The following GRIK2 variants were observed in gnomAD, a reference collection of about 807,000 sequenced individuals.
GRIK2 encodes glutamate ionotropic receptor kainate type subunit 2, also known as glutamate receptor ionotropic, kainate 2.
A neutral mutation model predicts 100.3 loss-of-function variants in GRIK2; 32 were observed. The ratio of observed to expected loss-of-function variants is 0.32; its 90% CI spans 0.24 to 0.43. The LOEUF is 0.43. GRIK2 is among the 20% of genes least tolerant of loss of function. The pLI is 1.00. For synonymous variants in GRIK2, 417 were observed against 389.4 expected (o/e 1.07, Z -0.83); for missense variants, 843 against 1,114.9 (o/e 0.76, Z 3.47).
intron 14 of GRIK2, among the ~76,000 whole-genome samples, chr6:102,003,815 T>A (rs1266091098): frequency 6.6e-6 from 1 of 151,780 alleles, no homozygotes; most frequent in Non-Finnish European, 1.5e-5. Flanking sequence ...AATTTCCTTT[T>A]TAAGAGAATT....
intron 11 of GRIK2, among the ~76,000 whole-genome samples, chr6:101,874,256 C>T (rs1168893395): frequency 6.6e-6 from 1 of 151,988 alleles, no homozygotes; most frequent in Non-Finnish European, 1.5e-5. Flanking sequence ...TTTAATCCAT[C>T]GTGAATTAAT....
intron 4 of GRIK2, among the ~76,000 whole-genome samples, chr6:101,638,861 C>T (rs909790042): frequency 6.6e-6 from 1 of 151,966 alleles, no homozygotes; most frequent in African/African-American, 2.4e-5. Context: ...GTGGCACTCA[C>T]CTGTAACCCC....
chr6:101,805,277 C>G (rs1319474930), intron 9 of GRIK2, among the ~76,000 whole-genome samples: 1 of 150,866 alleles, frequency 6.6e-6, no homozygotes, highest in African/African-American at 2.4e-5. Flanking sequence ...GAACTTCATC[C>G]TGCCACCGAA....
chr6:101,769,087 TA>T (rs1778236885), intron 7 of GRIK2, among the ~76,000 whole-genome samples: 1 of 152,180 alleles, frequency 6.6e-6, no homozygotes, highest in Admixed American at 6.5e-5. Flanking sequence ...AACTTTTGGT[TA>T]AGGGTATTCC....
At chr6:101,744,229 G>A (rs1228616502) in intron 7 of GRIK2, among the ~76,000 whole-genome samples, 7 of 151,572 alleles carry the variant, frequency 4.6e-5, no homozygotes, top group Non-Finnish European at 1.0e-4. Flanking sequence ...GACATGAGCC[G>A]TCGTGCCCAG....
intron 2 of GRIK2, among the ~76,000 whole-genome samples, chr6:101,408,030 G>A (rs2128237251): frequency 6.6e-6 from 1 of 152,208 alleles, no homozygotes; most frequent in Admixed American, 6.5e-5. Context: ...CAGATAATGG[G>A]CTAGCACTGA....
chr6:101,515,106 C>G (rs979933338), intron 2 of GRIK2, among the ~76,000 whole-genome samples: 1 of 152,070 alleles, frequency 6.6e-6, no homozygotes, highest in African/African-American at 2.4e-5. Context: ...GCCTTTGCAT[C>G]CTCATAGCTT....
chr6:101,581,414 G>A (rs1778091987), intron 2 of GRIK2, among the ~76,000 whole-genome samples: 1 of 152,116 alleles, frequency 6.6e-6, no homozygotes, highest in East Asian at 1.9e-4. Flanking sequence ...TCCAGTCCAA[G>A]TCCCAAAGCT....
intron 2 of GRIK2, among the ~76,000 whole-genome samples, chr6:101,476,659 A>G (rs1468373996): frequency 6.6e-6 from 1 of 152,152 alleles, no homozygotes; most frequent in Non-Finnish European, 1.5e-5. Context: ...TATGATAATT[A>G]TATTTTTGTA....
intron 4 of GRIK2, among the ~76,000 whole-genome samples, chr6:101,672,174 C>G (rs1013202968): frequency 3.3e-5 from 5 of 152,174 alleles, no homozygotes; most frequent in Non-Finnish European, 4.4e-5. Context: ...ACACAACAAC[C>G]AACCCGCACA....
At chr6:101,836,787 T>A (rs1307285056) in intron 10 of GRIK2, among the ~76,000 whole-genome samples, 1 of 148,920 alleles carries the variant, frequency 6.7e-6, no homozygotes, top group Non-Finnish European at 1.5e-5. Flanking sequence ...TGCCTCAGCC[T>A]CCCGAGTAGC....
At chr6:101,565,994 A>G (rs950901829) in intron 2 of GRIK2, among the ~76,000 whole-genome samples, 1 of 147,778 alleles carries the variant, frequency 6.8e-6, no homozygotes, top group South Asian at 2.1e-4. Flanking sequence ...TATTAAAATT[A>G]TAAGAAAGAG....
intron 1 of GRIK2, among the ~76,000 whole-genome samples, chr6:101,397,754 G>T (rs1775069945): frequency 6.6e-6 from 1 of 151,980 alleles, no homozygotes; most frequent in African/African-American, 2.4e-5. Flanking sequence ...CTTCAGATAG[G>T]ATATTTTTTT....
intron 10 of GRIK2, among the ~76,000 whole-genome samples, chr6:101,853,146 A>G (rs915585737): frequency 6.6e-6 from 1 of 152,158 alleles, no homozygotes. Flanking sequence ...AAGCAACCTA[A>G]AATAGTGGGA....
chr6:101,987,373 T>C (rs1435877952), intron 14 of GRIK2, among the ~76,000 whole-genome samples: 2 of 151,846 alleles, frequency 1.3e-5, no homozygotes, highest in African/African-American at 4.8e-5. Flanking sequence ...AGTAATCCTT[T>C]ATTAATCACA....
At chr6:101,714,159 G>C (rs190979922) in intron 7 of GRIK2, among the ~76,000 whole-genome samples, 36 of 151,792 alleles carry the variant, frequency 2.4e-4, no homozygotes, top group African/African-American at 8.7e-4. Context: ...TGCTTCTCCA[G>C]AGCTGATCAA....
chr6:101,764,596 C>G (rs1288036462), intron 7 of GRIK2, among the ~76,000 whole-genome samples: 2 of 152,066 alleles, frequency 1.3e-5, no homozygotes, highest in Admixed American at 6.6e-5. Context: ...TCCCTTTGGC[C>G]CAAACACTAA....
chr6:101,740,436 G>T (rs1429461089), intron 7 of GRIK2, among the ~76,000 whole-genome samples: 4 of 152,170 alleles, frequency 2.6e-5, no homozygotes, highest in Admixed American at 1.3e-4. Context: ...AGGAAAAGGG[G>T]GAGAGGAGAA....
chr6:101,463,434 T>C (rs1771448847), intron 2 of GRIK2, among the ~76,000 whole-genome samples: 1 of 152,152 alleles, frequency 6.6e-6, no homozygotes, highest in African/African-American at 2.4e-5. Flanking sequence ...CTAGACATAA[T>C]GGTTGGAATG....
Sources: allele counts gnomAD v4.1 joint callset (sites outside exome capture counted in the v4.1 genomes callset), GRCh38; gene constraint gnomAD v4.1.1; transcripts MANE v1.5; gene names NCBI Gene and HGNC (gene_info 2026-07-23, HGNC 2026-07-21).